The following MAP4K2 variants were observed in gnomAD, a reference collection of about 807,000 sequenced individuals.
MAP4K2 encodes mitogen-activated protein kinase kinase kinase kinase 2.
Under a neutral mutation model 125.3 loss-of-function variants are expected in MAP4K2, and 85 were observed. That is an observed-to-expected ratio of 0.68 (90% CI 0.57 to 0.81). The LOEUF is 0.81. Ranked by LOEUF, MAP4K2 falls within the 40% of genes least tolerant of loss-of-function variation. The pLI, the probability that MAP4K2 is intolerant of heterozygous loss-of-function variation, is 0.00. For synonymous variants in MAP4K2, 479 were observed against 445.1 expected (o/e 1.08, Z -0.96); for missense variants, 923 against 1,056.4 (o/e 0.87, Z 1.75).
Position 64,797,167 on chromosome 11 carries a change from G to T in MAP4K2, c.1302C>A (p.Gly434=). The T allele has an allele frequency of 5.0e-6, 8 of 1,613,912 alleles. No homozygotes were observed. The highest frequency in any genetic ancestry group is 6.8e-6 in the Non-Finnish European group (8 of 1,179,928). Residue 434 remains glycine, a synonymous_variant, in exon 19 of 32, where the codon GGC becomes GGA. Coordinates refer to ENST00000294066, the MANE Select transcript of MAP4K2 (RefSeq NM_004579.5). ...PPGTLPPPPS[G]PNSSPLLPTA... is the part of the protein sequence containing the mutation. ...TGGGCAGCAGTGGGGAGCTGTTGGG[G>T]CCTGAAGGAGGTGGGGGCAGGGTTC...
In MAP4K2 at chr11:64,786,475, G is replaced by C. The variant is rs1940199776; in HGVS notation, c.*3062C>G. On this transcript the variant is annotated 3_prime_UTR_variant, in exon 32 of 32. Coordinates refer to ENST00000294066, the MANE Select transcript of MAP4K2 (RefSeq NM_004579.5). ...TGGACATGCCACAGGGAACACGGCA[G>C]ATCCTCCGCCGTCCCGAAGCACACA... is the stretch of plus-strand genomic sequence containing the variant. 1 of 152,258 alleles carries C rather than the reference G, an allele frequency of 6.6e-6. No homozygotes were observed. Among genetic ancestry groups the C allele is most frequent in the African/African-American group, 2.4e-5 (1 of 41,452 alleles). The allele number at this position is 152,258 out of a possible 1,614,324, so 9.4% of individuals were successfully genotyped here.
chr11:64,797,703 CTT>C (rs35199527), intron 15 of MAP4K2, 39 bp from the exon 16 acceptor site: 11,749 of 1,066,234 alleles, frequency 0.011, no homozygotes, highest in Admixed American at 0.015. Flanking sequence ...TCAACCTTTC[CTT>C]TTTTTTTTTT....
chr11:64,802,862 A>T (rs752283828), intron 2 of MAP4K2, 23 bp downstream of exon 2: 12 of 1,594,924 alleles, frequency 7.5e-6, no homozygotes, highest in Non-Finnish European at 1.0e-5. Flanking sequence ...CCTCTGGCGC[A>T]GAGGCCCGAC....
intron 25 of MAP4K2, 29 bp downstream of exon 25, chr11:64,792,335 C>CGCCCCCCCCCCCCCCCCCAAAGAAA: frequency 6.6e-7 from 1 of 1,520,560 alleles, no homozygotes; most frequent in Non-Finnish European, 9.0e-7. Flanking sequence ...CACCAGGCCC[C>CGCCCCCCCCCCCCCCCCCAAAGAAA]GCCCCACCCC....
At position 64,800,801 on chromosome 11, in the gene MAP4K2, T is replaced by C; in HGVS notation, c.688A>G (p.Ser230Gly). 1 of 1,611,446 alleles carries C rather than the reference T, an allele frequency of 6.2e-7. No homozygotes were observed. Among genetic ancestry groups the C allele is most frequent in the Non-Finnish European group, 8.5e-7 (1 of 1,178,908 alleles). Reference protein sequence around the residue: ...MRALMLMSKSSFQPPKLRDKT... With the variant: ...MRALMLMSKSGFQPPKLRDKT... ...TCTCTCAGTTTGGGCGGCTGGAAGCTGCTCTTCGACATGAGCATCAGGGCC... is the reference window on the plus strand; with the variant it reads ...TCTCTCAGTTTGGGCGGCTGGAAGCCGCTCTTCGACATGAGCATCAGGGCC... Residue 230 changes from serine (S) to glycine (G), a missense_variant, in exon 10 of 32, where the codon AGC becomes GGC. Ser to Gly is a moderately conservative substitution (Grantham distance 56). Around this residue, in one of 2 missense-constraint regions of MAP4K2, gnomAD observed 833 missense variants for 911.4 expected, o/e 0.91. Transcript: ENST00000294066.
chr11:64,794,154 T>G (rs1424591410), intron 24 of MAP4K2, among the ~76,000 whole-genome samples: 1 of 152,228 alleles, frequency 6.6e-6, no homozygotes, highest in Non-Finnish European at 1.5e-5. Context: ...AGGTCCCACT[T>G]GCACATCTAA....
intron 24 of MAP4K2, among the ~76,000 whole-genome samples, chr11:64,793,935 G>A (rs529590045): frequency 3.9e-5 from 6 of 152,252 alleles, no homozygotes; most frequent in African/African-American, 7.2e-5. Context: ...CAAGGCCACC[G>A]GGCTCCAGAT....
intron 4 of MAP4K2, 64 bp downstream of exon 4, chr11:64,802,355 T>C (rs1410313927): frequency 3.4e-6 from 5 of 1,452,130 alleles, no homozygotes; most frequent in African/African-American, 1.4e-5. Flanking sequence ...TCCCCTCTGG[T>C]ACCCCAGTGG....
intron 4 of MAP4K2, 43 bp from the exon 5 acceptor site, chr11:64,802,164 A>T (rs750569841): frequency 6.4e-7 from 1 of 1,557,342 alleles, no homozygotes; most frequent in East Asian, 2.2e-5. Context: ...CCCGGGGGTC[A>T]TGCCCACCCT....
rs1565606893 is a variant in MAP4K2, at chr11:64,789,630, GGA to G, written c.2376-8_2376-7del. 5.0e-6 allele frequency: 8 copies of G among 1,610,748 alleles called. No individual in the cohort carries two copies. Among genetic ancestry groups the G allele is most frequent in the Non-Finnish European group, 6.8e-6 (8 of 1,178,534 alleles). On this transcript the variant is annotated splice_polypyrimidine_tract_variant and splice_region_variant and intron_variant, in intron 31 of 31. Transcript: ENST00000294066. ...TGCTCTCCAGGATGATGTCTCTGGA[GGA>G]GAGAGGAGTAGGGGGCAGGGCGGGA...
In MAP4K2 at chr11:64,791,978, C is replaced by G. The variant is rs753057121; in HGVS notation, c.2023G>C (p.Gly675Arg). 1 of 1,604,146 alleles carries G rather than the reference C, an allele frequency of 6.2e-7. No individual in the cohort carries two copies. Among genetic ancestry groups the G allele is most frequent in the East Asian group, 2.2e-5 (1 of 44,582 alleles). ...AGGACATGGAACAGGACGCGGCAGC[C>G]GGGCCCCTCAGGCCCCTCGGCCCCA... ...CVGAEGPEGP[G>R]CRVLFHVLPL... Residue 675 changes from glycine to arginine, a missense_variant, in exon 27 of 32, where the codon GGC becomes CGC. Around this residue, in one of 2 missense-constraint regions of MAP4K2, gnomAD observed 833 missense variants for 911.4 expected, o/e 0.91. Transcript: ENST00000294066.
chr11:64,790,125 C>T, intron 29 of MAP4K2, 63 bp downstream of exon 29: 1 of 1,591,316 alleles, frequency 6.3e-7, no homozygotes, highest in South Asian at 1.1e-5. Flanking sequence ...CAGCCCCAGG[C>T]CCCTGAGCAA....
chr11:64,799,763 A>G (rs1211483408), intron 12 of MAP4K2, 80 bp from the exon 13 acceptor site: 1 of 1,186,390 alleles, frequency 8.4e-7, no homozygotes, highest in Non-Finnish European at 1.2e-6. Context: ...CACACGCACC[A>G]GTGCGTTTTG....
Position 64,792,375 on chromosome 11 carries a change from T to C in MAP4K2, c.1799A>G (p.Gln600Arg), listed in dbSNP as rs147023707. The C allele has an allele frequency of 3.6e-4, 447 of 1,232,020 alleles. 1 individual carries two copies. Among genetic ancestry groups the C allele is most frequent in the Non-Finnish European group, 4.5e-4 (421 of 926,204 alleles). The allele number at this position is 1,232,020 out of a possible 1,614,324, so 76.3% of individuals were successfully genotyped here. The change falls in exon 25 of 32, where the codon CAG becomes CGG. Residue 600 changes from glutamine to arginine, a missense_variant. Gln to Arg is a conservative substitution (Grantham distance 43, BLOSUM62 1). Coordinates refer to ENST00000294066, the MANE Select transcript of MAP4K2 (RefSeq NM_004579.5). ...AGCCCATTTCTTACCCACACGACAC[T>C]GCAAGCAGCCTTTGGTGTCAGGAAT... ...TKIPDTKGCL[Q>R]CRVVRNPYTG...
At chr11:64,797,703 C>CTATT in intron 15 of MAP4K2, 39 bp from the exon 16 acceptor site, 1 of 1,094,114 alleles carries the variant, frequency 9.1e-7, no homozygotes, top group Non-Finnish European at 1.2e-6. Context: ...TCAACCTTTC[C>CTATT]TTTTTTTTTT....
chr11:64,789,984 C>T, intron 29 of MAP4K2, 25 bp from the exon 30 acceptor site: 2 of 1,611,542 alleles, frequency 1.2e-6, no homozygotes, highest in South Asian at 1.1e-5. Context: ...CCACCATCAG[C>T]CCTGCACCCA....
rs1011044393 is a variant in MAP4K2 at position 64,786,573 on chromosome 11, C to G, written c.*2964G>C. On this transcript the variant is annotated 3_prime_UTR_variant, in exon 32 of 32. Transcript: ENST00000294066. ...CAGTTACCTGAACATCCTGGGGGGG[C>G]CCACGTCCCTTCTACTTGTCCTCAA... 4 of 152,130 alleles carry G rather than the reference C, an allele frequency of 2.6e-5. No homozygotes were observed. Among genetic ancestry groups the G allele is most frequent in the African/African-American group, 9.7e-5 (4 of 41,406 alleles). The allele number at this position is 152,130 out of a possible 1,614,324, so 9.4% of individuals were successfully genotyped here. A position where few individuals can be genotyped will look rare whatever the true frequency, so the allele number is the denominator to read the frequency against.
chr11:64,788,217 A>C lies in MAP4K2; in HGVS notation c.*1320T>G, dbSNP rs1940279762. The C allele has an allele frequency of 6.6e-6, 1 of 152,254 alleles. No individual in the cohort carries two copies. The highest frequency in any genetic ancestry group is 6.5e-5 in the Admixed American group (1 of 15,282). 9.4% of individuals were successfully genotyped at this position (152,254 alleles called of 1,614,324 possible). A position where few individuals can be genotyped will look rare whatever the true frequency, so the allele number is the denominator to read the frequency against. On this transcript the variant is annotated 3_prime_UTR_variant, in exon 32 of 32. Transcript: ENST00000294066. ...CCGCAAGTCTTTATTGCCACCCACC[A>C]GGTGCAAAGGTCTTCCTCCAACACC... is the stretch of plus-strand genomic sequence containing the variant.
intron 29 of MAP4K2, 75 bp downstream of exon 29, chr11:64,790,113 G>A (rs757265094): frequency 8.5e-5 from 134 of 1,570,122 alleles, no homozygotes; most frequent in Admixed American, 1.2e-4. Flanking sequence ...TCATCCTACC[G>A]CCAGCCCCAG....
Sources: allele counts gnomAD v4.1 joint callset (sites outside exome capture counted in the v4.1 genomes callset), GRCh38; gene constraint gnomAD v4.1.1; regional missense constraint gnomAD v4.1.1; transcripts MANE v1.5; gene names NCBI Gene and HGNC (gene_info 2026-07-23, HGNC 2026-07-21).